Variants in BMERB1 observed in about 807,000 individuals in gnomAD.
BMERB1 encodes the protein bMERB domain-containing protein 1.
BMERB1 carries 12 observed loss-of-function variants against 23.6 expected under a neutral mutation model. The ratio of observed to expected loss-of-function variants is 0.51; its 90% CI spans 0.33 to 0.82. BMERB1 has a LOEUF of 0.82. Among genes scored for constraint, BMERB1 ranks in the 40% least tolerant of loss-of-function variants. The probability of loss-of-function intolerance (pLI) is 0.03; values close to 1 mark genes in which losing one functional copy is unlikely to be tolerated. For synonymous variants in BMERB1, 122 were observed against 96.6 expected, an observed-to-expected ratio of 1.26 and a Z score of -1.54; for missense variants, 247 against 255.4, an observed-to-expected ratio of 0.97 and a Z score of 0.22.
intron 2 of BMERB1, among the ~76,000 whole-genome samples, chr16:15,521,863 C>G (rs2051857387): frequency 6.6e-6 from 1 of 152,138 alleles, no homozygotes; most frequent in African/African-American, 2.4e-5. Flanking sequence ...CCTAGTACCT[C>G]CCACTGCTAC....
intron 1 of BMERB1, among the ~76,000 whole-genome samples, chr16:15,443,218 A>G (rs2050956283): frequency 6.6e-6 from 1 of 151,490 alleles, no homozygotes; most frequent in Non-Finnish European, 1.5e-5. Context: ...ACTGGACTCC[A>G]GCCTGAGCGA....
intron 1 of BMERB1, among the ~76,000 whole-genome samples, chr16:15,470,965 A>C (rs1197395242): frequency 6.8e-6 from 1 of 147,352 alleles, no homozygotes; most frequent in Non-Finnish European, 1.5e-5. Context: ...GACTCCCGAG[A>C]AACTGGGACT....
intron 2 of BMERB1, among the ~76,000 whole-genome samples, chr16:15,533,335 C>T (rs1436390526): frequency 6.6e-6 from 1 of 151,440 alleles, no homozygotes; most frequent in African/African-American, 2.4e-5. Context: ...TCAAGGGGCA[C>T]CTAAGATTTG....
intron 2 of BMERB1, among the ~76,000 whole-genome samples, chr16:15,524,991 A>G (rs763788871): frequency 4.6e-5 from 7 of 152,104 alleles, no homozygotes; most frequent in African/African-American, 1.7e-4. Context: ...GTGATTATCA[A>G]TTTTATGCAT....
chr16:15,562,322 AT>A (rs2030446496), intron 2 of BMERB1, among the ~76,000 whole-genome samples: 1 of 147,966 alleles, frequency 6.8e-6, no homozygotes, highest in African/African-American at 2.6e-5. Flanking sequence ...AAAAAAAAAC[AT>A]AAATAAATAA....
At chr16:15,554,154 G>C (rs2030175114) in intron 2 of BMERB1, among the ~76,000 whole-genome samples, 1 of 152,114 alleles carries the variant, frequency 6.6e-6, no homozygotes. Context: ...GATTTGAGCA[G>C]CCTTCTCCCA....
chr16:15,441,891 A>G (rs1052583635), intron 1 of BMERB1, among the ~76,000 whole-genome samples: 2 of 152,170 alleles, frequency 1.3e-5, no homozygotes, highest in South Asian at 4.1e-4. Flanking sequence ...GCAAGTGATG[A>G]TCAATGCAAG....
At chr16:15,459,373 G>A (rs752417130) in intron 1 of BMERB1, among the ~76,000 whole-genome samples, 3 of 151,254 alleles carry the variant, frequency 2.0e-5, no homozygotes, top group Non-Finnish European at 4.4e-5. Flanking sequence ...ATCCAACTAT[G>A]TATTGTCTAT....
chr16:15,565,083 A>G (rs985341234), intron 2 of BMERB1, among the ~76,000 whole-genome samples: 3 of 151,424 alleles, frequency 2.0e-5, no homozygotes, highest in African/African-American at 7.3e-5. Flanking sequence ...AGCCACAGGC[A>G]TTCCTTGATA....
intron 1 of BMERB1, among the ~76,000 whole-genome samples, chr16:15,465,439 G>A (rs185694978): frequency 1.2e-3 from 174 of 149,428 alleles, no homozygotes; most frequent in Middle Eastern, 7.0e-3. Flanking sequence ...TGCAAACTCT[G>A]CCTCCTGGGT....
intron 1 of BMERB1, among the ~76,000 whole-genome samples, chr16:15,464,854 G>A (rs1480874553): frequency 1.3e-5 from 2 of 152,150 alleles, no homozygotes; most frequent in African/African-American, 4.8e-5. Context: ...TTTGTGACCT[G>A]TATCTTGTGA....
intron 1 of BMERB1, among the ~76,000 whole-genome samples, chr16:15,459,098 A>C (rs994034209): frequency 2.0e-5 from 3 of 152,092 alleles, no homozygotes; most frequent in Non-Finnish European, 2.9e-5. Context: ...ACAGTGTGAG[A>C]CTCTGTCTCA....
intron 1 of BMERB1, among the ~76,000 whole-genome samples, chr16:15,514,623 C>G (rs147326064): frequency 6.6e-6 from 1 of 151,282 alleles, no homozygotes. Context: ...ACTAAAAATA[C>G]AAAAATTAGC....
chr16:15,579,557 G>T (rs1036398064), intron 3 of BMERB1, among the ~76,000 whole-genome samples: 1 of 152,302 alleles, frequency 6.6e-6, no homozygotes, highest in Non-Finnish European at 1.5e-5. Flanking sequence ...AGGCAGACAA[G>T]CTGTCCCACA....
At position 15,510,348 on chromosome 16, in the gene BMERB1, CT is replaced by C. The variant is rs969603950; in HGVS notation, c.107-4954del. On this transcript the variant is annotated intron_variant, in intron 1 of 5. Coordinates refer to ENST00000300006, the MANE Select transcript of BMERB1 (RefSeq NM_033201.3). ...TTTGAAGCCAGACCTGGACTCAGCT[CT>C]TTCCCTTGCCAGCGCTGAGCCTTTG... Among the ~76,000 whole-genome samples the C allele has an allele frequency of 8.2e-4, 125 of 152,170 alleles. 2 individuals carry two copies. Among genetic ancestry groups the C allele is most frequent in the Non-Finnish European group, 2.6e-4 (18 of 68,032 alleles).
intron 1 of BMERB1, among the ~76,000 whole-genome samples, chr16:15,440,857 A>G (rs1721142254): frequency 6.6e-6 from 1 of 152,176 alleles, no homozygotes; most frequent in South Asian, 2.1e-4. Context: ...AATATTACAT[A>G]AGCAAACAAG....
At chr16:15,495,299 G>A (rs1461432294) in intron 1 of BMERB1, among the ~76,000 whole-genome samples, 3 of 152,040 alleles carry the variant, frequency 2.0e-5, no homozygotes, top group Admixed American at 6.6e-5. Context: ...GGGTTCAAGC[G>A]ATTCTCCTGC....
intron 2 of BMERB1, among the ~76,000 whole-genome samples, chr16:15,537,457 G>A (rs1277852028): frequency 1.3e-5 from 2 of 151,536 alleles, no homozygotes; most frequent in Non-Finnish European, 2.9e-5. Flanking sequence ...AAGTTCAAGC[G>A]ATTCTCCTGC....
intron 1 of BMERB1, among the ~76,000 whole-genome samples, chr16:15,440,089 A>G (rs1015484897): frequency 6.6e-6 from 1 of 151,896 alleles, no homozygotes; most frequent in Admixed American, 6.6e-5. Flanking sequence ...TACTAAAAAT[A>G]CAAAAATTAG....
Sources: allele counts gnomAD v4.1 joint callset (sites outside exome capture counted in the v4.1 genomes callset), GRCh38; gene constraint gnomAD v4.1.1; transcripts MANE v1.5; gene names NCBI Gene and HGNC (gene_info 2026-07-23, HGNC 2026-07-21).